The following CLIC4 variants were observed in gnomAD, a reference collection of about 807,000 sequenced individuals.
The protein encoded by CLIC4 is CLIC family member 4, also known as chloride intracellular channel protein 4.
CLIC4 carries 13 observed loss-of-function variants against 24.6 expected under a neutral mutation model. The ratio of observed to expected loss-of-function variants is 0.53; its 90% CI spans 0.34 to 0.84. CLIC4 has a LOEUF of 0.84. CLIC4 is among the 40% of genes least tolerant of loss of function. CLIC4 has a pLI of 0.01. For missense variants in CLIC4, 227 were observed against 301.7 expected (o/e 0.75, Z 1.83); for synonymous variants, 104 against 111.3 (o/e 0.93, Z 0.41).
At chr1:24,811,139 A>G (rs1391560213) in intron 2 of CLIC4, among the ~76,000 whole-genome samples, 2 of 152,048 alleles carry the variant, frequency 1.3e-5, no homozygotes, top group Admixed American at 6.6e-5. Context: ...TGAACCCACT[A>G]CTTATTACCA....
At chr1:24,796,348 C>G (rs10903102) in intron 1 of CLIC4, among the ~76,000 whole-genome samples, 93,936 of 151,952 alleles carry the variant, frequency 0.62, 30,206 homozygotes, top group Non-Finnish European at 0.71. Context: ...ACCACCACGT[C>G]CAGCTAATTT....
intron 3 of CLIC4, among the ~76,000 whole-genome samples, chr1:24,820,653 A>G (rs1214757005): frequency 1.3e-5 from 2 of 152,132 alleles, no homozygotes; most frequent in African/African-American, 4.8e-5. Context: ...TCTTCCTCTC[A>G]TGTCACTGTA....
chr1:24,835,110 G>C (rs1280428989), intron 4 of CLIC4, among the ~76,000 whole-genome samples: 1 of 152,180 alleles, frequency 6.6e-6, no homozygotes, highest in East Asian at 1.9e-4. Context: ...GGGTTCCAGT[G>C]CCCTCTGCTG....
intron 2 of CLIC4, among the ~76,000 whole-genome samples, chr1:24,809,614 C>A (rs1251957331): frequency 1.3e-5 from 2 of 152,158 alleles, no homozygotes; most frequent in African/African-American, 4.8e-5. Context: ...GCATGCACTA[C>A]TACACCCAGC....
chr1:24,831,074 T>TA (rs1364834657), intron 4 of CLIC4, among the ~76,000 whole-genome samples: 1 of 152,242 alleles, frequency 6.6e-6, no homozygotes, highest in Non-Finnish European at 1.5e-5. Flanking sequence ...TTGTTTTCAT[T>TA]AATATACCCT....
At chr1:24,778,685 T>C (rs192338335) in intron 1 of CLIC4, among the ~76,000 whole-genome samples, 228 of 152,348 alleles carry the variant, frequency 1.5e-3, no homozygotes, top group Middle Eastern at 6.8e-3. Flanking sequence ...GATTTATTAG[T>C]TATTCTGAAG....
chr1:24,809,743 G>A (rs1639593324), intron 2 of CLIC4, among the ~76,000 whole-genome samples: 2 of 152,150 alleles, frequency 1.3e-5, no homozygotes, highest in South Asian at 2.1e-4. Context: ...TTACAAGCAT[G>A]AGCCACCATG....
At position 24,842,315 on chromosome 1, in the gene CLIC4, C is replaced by T. The variant is rs1168304446; in HGVS notation, c.*1378C>T. On this transcript the variant is annotated 3_prime_UTR_variant, in exon 6 of 6. Coordinates refer to ENST00000374379, the MANE Select transcript of CLIC4 (RefSeq NM_013943.3). ...AATAAAACTTTGCTATGTATTTACT[C>T]TTTTTTAAAAGACAAAAGCAAAACC... is the stretch of plus-strand genomic sequence containing the variant. The T allele has an allele frequency of 6.6e-6, 1 of 152,060 alleles. No individual in the cohort carries two copies. Among genetic ancestry groups the T allele is most frequent in the Admixed American group, 6.6e-5 (1 of 15,262 alleles). The allele number at this position is 152,060 out of a possible 1,614,324, so 9.4% of individuals were successfully genotyped here.
Position 24,841,005 on chromosome 1 carries a change from C to T in CLIC4, c.*68C>T. 7.4e-7 allele frequency: 1 copy of T among 1,346,200 alleles called. No homozygotes were observed. Among genetic ancestry groups the T allele is most frequent in the Non-Finnish European group, 1.0e-6 (1 of 982,438 alleles). The allele number at this position is 1,346,200 out of a possible 1,614,324, so 83.4% of individuals were successfully genotyped here. ...AATACGCTTTTCCTAACAGGCTACT[C>T]CTTCCTGTAGAGCAGAAATTGTATT... On this transcript the variant is annotated 3_prime_UTR_variant, in exon 6 of 6. Transcript: ENST00000374379.
intron 5 of CLIC4, among the ~76,000 whole-genome samples, chr1:24,840,489 A>G (rs1221015288): frequency 6.6e-6 from 1 of 152,198 alleles, no homozygotes; most frequent in Non-Finnish European, 1.5e-5. Flanking sequence ...CTAAAATAGC[A>G]TATGTGTGTT....
At chr1:24,813,758 G>A (rs10903105) in intron 2 of CLIC4, among the ~76,000 whole-genome samples, 88,888 of 151,116 alleles carry the variant, frequency 0.59, 28,254 homozygotes, top group Non-Finnish European at 0.71. Context: ...TCTCTCTGTC[G>A]CCCAGGCTGG....
rs1214647136 is a variant in CLIC4, at chr1:24,822,338, A to ATTC, written c.309-4669_309-4667dup. 4.0e-4 allele frequency among the ~76,000 whole-genome samples: 48 copies of ATTC among 121,500 alleles called. 1 individual carries two copies. Among genetic ancestry groups the ATTC allele is most frequent in the African/African-American group, 1.5e-3 (44 of 29,900 alleles). The allele number at this position is 121,500 out of a possible 152,430, so 79.7% of individuals were successfully genotyped here. On this transcript the variant is annotated intron_variant, in intron 3 of 5. Transcript: ENST00000374379. The stretch of plus-strand genomic sequence containing the variant: ...GTGGTTATTAAACTTAATTCAGTGA[A>ATTC]TTCTTTTTTTTTTTTTTTTTTTTTT...
chr1:24,823,354 GA>G (rs1292826283), intron 3 of CLIC4, among the ~76,000 whole-genome samples: 1 of 152,122 alleles, frequency 6.6e-6, no homozygotes, highest in African/African-American at 2.4e-5. Context: ...AAAACTTTGA[GA>G]CTTGGATTTT....
chr1:24,769,543 CTTTG>C (rs547739379), intron 1 of CLIC4, among the ~76,000 whole-genome samples: 57 of 152,196 alleles, frequency 3.7e-4, no homozygotes, highest in Non-Finnish European at 5.3e-4. Context: ...GAATCAATAA[CTTTG>C]TTTATGTTAT....
chr1:24,799,698 T>G (rs1445413429), intron 2 of CLIC4, among the ~76,000 whole-genome samples: 41 of 64,420 alleles, frequency 6.4e-4, no homozygotes, highest in South Asian at 2.5e-3. Flanking sequence ...GGGAGGGAGG[T>G]GGGGGGGTCA....
chr1:24,796,345 C>G (rs181036619), intron 1 of CLIC4, among the ~76,000 whole-genome samples: 1 of 152,020 alleles, frequency 6.6e-6, no homozygotes, highest in Non-Finnish European at 1.5e-5. Flanking sequence ...CGTACCACCA[C>G]GTCCAGCTAA....
chr1:24,755,582 C>T (rs1638837101), intron 1 of CLIC4, among the ~76,000 whole-genome samples: 1 of 151,112 alleles, frequency 6.6e-6, no homozygotes, highest in South Asian at 2.1e-4. Context: ...GCACTCTGGC[C>T]TGGGTGACCG....
At chr1:24,821,188 AAAG>A (rs951152201) in intron 3 of CLIC4, among the ~76,000 whole-genome samples, 3 of 141,594 alleles carry the variant, frequency 2.1e-5, no homozygotes, top group African/African-American at 5.5e-5. Flanking sequence ...CTGTCTCAAA[AAAG>A]AAGAAGGAAA....
At position 24,819,796 on chromosome 1, in the gene CLIC4, G is replaced by T. The variant is rs1233555268; in HGVS notation, c.308+5577G>T. On this transcript the variant is annotated intron_variant, in intron 3 of 5. Transcript: ENST00000374379. Reference sequence around the variant, plus strand: ...TCTCTGTCGCCCAGGCTGGAGTGCAGTGGCACAATCTCGACTCACTGCAAC... The same window carrying T: ...TCTCTGTCGCCCAGGCTGGAGTGCATTGGCACAATCTCGACTCACTGCAAC... 4.7e-5 allele frequency among the ~76,000 whole-genome samples: 7 copies of T among 148,382 alleles called. No individual in the cohort carries two copies. In the Admixed American group the frequency reaches 4.7e-4, roughly 10 times the overall value.
Sources: allele counts gnomAD v4.1 joint callset (sites outside exome capture counted in the v4.1 genomes callset), GRCh38; gene constraint gnomAD v4.1.1; transcripts MANE v1.5; gene names NCBI Gene and HGNC (gene_info 2026-07-23, HGNC 2026-07-21).